Variants in CRYM observed in about 807,000 individuals in gnomAD.
CRYM encodes crystallin mu, also known as ketimine reductase mu-crystallin.
CRYM carries 18 observed loss-of-function variants against 32.9 expected under a neutral mutation model. The ratio of observed to expected loss-of-function variants is 0.55; its 90% CI spans 0.38 to 0.81. CRYM has a LOEUF of 0.81. CRYM is among the 30% of genes least tolerant of loss of function. The probability of loss-of-function intolerance (pLI) is 0.00; values close to 1 mark genes in which losing one functional copy is unlikely to be tolerated. For missense variants in CRYM, 337 were observed against 393.5 expected (o/e 0.86, Z 1.21); for synonymous variants, 153 against 152.4 (o/e 1.00, Z -0.03).
chr16:21,264,945 G>A (rs935584549), intron 5 of CRYM, among the ~76,000 whole-genome samples: 3 of 152,144 alleles, frequency 2.0e-5, no homozygotes, highest in Non-Finnish European at 2.9e-5. Context: ...ATTGCAGCCC[G>A]GATGTTGCCC....
In CRYM at chr16:21,290,606, T is replaced by C. The variant is rs141897142; in HGVS notation, c.-192-11646A>G. On this transcript the variant is annotated intron_variant, in intron 1 of 9. Transcript: ENST00000219599. ...CAAATATGCTTTTTGCTCAGACTTA[T>C]AATTTCATCTTTTTTTCCAGTAATT... Among the ~76,000 whole-genome samples the C allele has an allele frequency of 8.5e-5, 13 of 152,362 alleles. No individual in the cohort carries two copies. The East Asian group carries it at 2.5e-3, about 29-fold the overall frequency.
chr16:21,280,807 G>A (rs894254040), upstream of CRYM, among the ~76,000 whole-genome samples: 3 of 152,172 alleles, frequency 2.0e-5, no homozygotes, highest in African/African-American at 7.2e-5. Flanking sequence ...CCTGCTCAGA[G>A]AAGATAGGGA....
At chr16:21,287,982 A>G (rs2093410247) in intron 1 of CRYM, among the ~76,000 whole-genome samples, 1 of 152,226 alleles carries the variant, frequency 6.6e-6, no homozygotes, top group Non-Finnish European at 1.5e-5. Flanking sequence ...AAGCGGGTGC[A>G]ATCTTGTGGG....
At chr16:21,267,415 A>G in intron 5 of CRYM, 139 bp downstream of exon 5, 2 of 912,564 alleles carry the variant, frequency 2.2e-6, no homozygotes, top group Non-Finnish European at 3.5e-6. Context: ...GTTTTTTTCA[A>G]TCTCACATGT....
chr16:21,267,718 G>A lies in CRYM; in HGVS notation c.509C>T (p.Thr170Ile), dbSNP rs764449864. 1 of 1,614,080 alleles carries A rather than the reference G, an allele frequency of 6.2e-7. No individual in the cohort carries two copies. Reference sequence around the variant, plus strand: ...TGCAAACTTCTCTGCATTTTCTTTGGTGCGGTTCCATATCCTCACCTTCAT... The same window carrying A: ...TGCAAACTTCTCTGCATTTTCTTTGATGCGGTTCCATATCCTCACCTTCAT... ...SFKEVRIWNR[T>I]KENAEKFADT... Residue 170 changes from threonine to isoleucine, a missense_variant, in exon 5 of 8, where the codon ACC (threonine) becomes ATC (isoleucine). By Grantham distance (89) the Thr-to-Ile change is moderately conservative. Coordinates refer to ENST00000572914, the MANE Select transcript of CRYM (RefSeq NM_001376256.1).
At position 21,293,138 on chromosome 16, in the gene CRYM, G is replaced by C. The variant is rs144441225; in HGVS notation, c.-193+9840C>G. ...GATGAGGTGCCAAAGTAATTCAAATGAGAAAGGATAGTCATTTCAATTAGT... is the reference window on the plus strand; with the variant it reads ...GATGAGGTGCCAAAGTAATTCAAATCAGAAAGGATAGTCATTTCAATTAGT... On this transcript the variant is annotated intron_variant, in intron 1 of 9. Coordinates refer to the CRYM transcript ENST00000219599. 5.5e-3 allele frequency among the ~76,000 whole-genome samples: 842 copies of C among 152,306 alleles called. 7 individuals are homozygous for C. Among genetic ancestry groups the C allele is most frequent in the African/African-American group, 0.019 (774 of 41,568 alleles).
chr16:21,270,752 A>G (rs950669666), intron 3 of CRYM, among the ~76,000 whole-genome samples: 1 of 152,012 alleles, frequency 6.6e-6, no homozygotes, highest in African/African-American at 2.4e-5. Flanking sequence ...CTTCCTTCCC[A>G]GGGTTCTAGC....
At chr16:21,292,449 T>C (rs993099918) in intron 1 of CRYM, among the ~76,000 whole-genome samples, 1 of 152,150 alleles carries the variant, frequency 6.6e-6, no homozygotes, top group African/African-American at 2.4e-5. Flanking sequence ...AAATATACCT[T>C]ATTCATGGAT....
intron 1 of CRYM, among the ~76,000 whole-genome samples, chr16:21,291,766 C>T (rs1173600234): frequency 6.6e-6 from 1 of 152,004 alleles, no homozygotes; most frequent in Non-Finnish European, 1.5e-5. Flanking sequence ...TTGAATTGGT[C>T]TTTTTTCTTA....
rs1688780022 is a variant in CRYM at position 21,277,633 on chromosome 16, G to A, written c.171-49C>T. On this transcript the variant is annotated intron_variant, in intron 1 of 7. Transcript: ENST00000572914. The surrounding 1 kb of genome is among the most constrained non-coding windows in gnomAD (Gnocchi z 4.2). ...TCAGCCCCTTCCCATCAATGCTGGG[G>A]TCTCTTAGAAAGTATCCATATACTT... The A allele has an allele frequency of 6.2e-7, 1 of 1,604,968 alleles. No homozygotes were observed. The highest frequency in any genetic ancestry group is 8.5e-7 in the Non-Finnish European group (1 of 1,174,988).
rs547864127 is a variant in CRYM at position 21,291,015 on chromosome 16, G to T, written c.-193+11963C>A. On this transcript the variant is annotated intron_variant, in intron 1 of 9. Transcript: ENST00000219599. ...ATTATCAACACAAACTATGTTTCAA[G>T]AAATCAGGGGTAGTATACTTTATGC... Among the ~76,000 whole-genome samples, 4 of 152,286 alleles carry T rather than the reference G, an allele frequency of 2.6e-5. No homozygotes were observed. The South Asian group carries it at 6.2e-4, about 24-fold the overall frequency.
chr16:21,291,307 T>A (rs930109944), intron 1 of CRYM, among the ~76,000 whole-genome samples: 4 of 152,302 alleles, frequency 2.6e-5, no homozygotes, highest in Admixed American at 6.5e-5. Flanking sequence ...TGTTGAAAAG[T>A]ATTCCTAACT....
chr16:21,261,399 T>A, intron 6 of CRYM, 61 bp from the exon 7 acceptor site: 1 of 1,269,922 alleles, frequency 7.9e-7, no homozygotes, highest in Non-Finnish European at 1.2e-6. Flanking sequence ...GGTTGGCTTT[T>A]GAAGCCAGCC....
intron 6 of CRYM, chr16:21,261,603 T>C (rs1298597777): frequency 2.6e-5 from 14 of 547,312 alleles, no homozygotes; most frequent in Non-Finnish European, 4.6e-5. Context: ...CCAAGATCAT[T>C]GTGTCAGTGA....
chr16:21,261,993 G>A (rs200872204), intron 6 of CRYM, 44 bp downstream of exon 6: 45 of 1,612,458 alleles, frequency 2.8e-5, no homozygotes, highest in Middle Eastern at 1.7e-4. Context: ...ATCCAGGTGA[G>A]GCCAGCCAGG....
At position 21,277,285 on chromosome 16, in the gene CRYM, T is replaced by C; in HGVS notation, c.324+146A>G. 1 of 840,476 alleles carries C rather than the reference T, an allele frequency of 1.2e-6. No individual in the cohort carries two copies. The highest frequency in any genetic ancestry group is 1.6e-5 in the South Asian group (1 of 63,316). The allele number at this position is 840,476 out of a possible 1,614,324, so 52.1% of individuals were successfully genotyped here. A position where few individuals can be genotyped will look rare whatever the true frequency, so the allele number is the denominator to read the frequency against. On this transcript the variant is annotated intron_variant, in intron 2 of 7. Coordinates refer to ENST00000572914, the MANE Select transcript of CRYM (RefSeq NM_001376256.1). The surrounding 1 kb of genome is among the most constrained non-coding windows in gnomAD (Gnocchi z 4.2). The stretch of plus-strand genomic sequence containing the variant: ...CTAGAAATAGATACATGGACACAGA[T>C]AACCTTCACTGTTGCTGGTATCCAG...
chr16:21,269,900 G>A lies in CRYM; in HGVS notation c.388-9C>T. 2 of 1,602,780 alleles carry A rather than the reference G, an allele frequency of 1.2e-6. No individual in the cohort carries two copies. The highest frequency in any genetic ancestry group is 1.7e-6 in the Non-Finnish European group (2 of 1,169,908). On this transcript the variant is annotated splice_polypyrimidine_tract_variant and intron_variant, in intron 3 of 7. Coordinates refer to ENST00000572914, the MANE Select transcript of CRYM (RefSeq NM_001376256.1). Reference sequence around the variant, plus strand: ...CTGGGAGGTTTCAGAAACTATATGAGAGAAATGAAGTGGCAAAGGTCAAGG... The same window carrying A: ...CTGGGAGGTTTCAGAAACTATATGAAAGAAATGAAGTGGCAAAGGTCAAGG...
At chr16:21,301,951 C>T (rs943788105) in intron 1 of CRYM, among the ~76,000 whole-genome samples, 7 of 152,226 alleles carry the variant, frequency 4.6e-5, no homozygotes, top group African/African-American at 1.7e-4. Flanking sequence ...CTTGCAGCTG[C>T]TCCCCGACGC....
chr16:21,269,764 T>TCTCC, intron 4 of CRYM, 26 bp downstream of exon 4: 2 of 971,978 alleles, frequency 2.1e-6, no homozygotes, highest in Admixed American at 1.8e-5. Flanking sequence ...TTCCCTCTTC[T>TCTCC]CTCCCACCCC....
Sources: gnomAD v4.1 joint callset for allele counts (sites outside exome capture counted in the v4.1 genomes callset) on GRCh38, gnomAD v4.1.1 for gene constraint, Gnocchi (gnomAD v3.1) non-coding constraint, MANE v1.5 for transcripts, NCBI Gene and HGNC (gene_info 2026-07-23, HGNC 2026-07-21) for gene names.